The following PSD2 variants were observed in gnomAD, a reference collection of about 807,000 sequenced individuals.
PSD2 encodes PH and SEC7 domain-containing protein 2.
In PSD2, 38 loss-of-function variants were observed where a neutral mutation model predicts 69.8. The observed-to-expected ratio is 0.54, with a 90% CI of 0.42 to 0.71. The LOEUF is 0.71. Ranked by LOEUF, PSD2 falls within the 30% of genes least tolerant of loss-of-function variation. The probability of loss-of-function intolerance (pLI) is 0.00; values close to 1 mark genes in which losing one functional copy is unlikely to be tolerated. For synonymous variants in PSD2, 412 were observed against 423.0 expected (o/e 0.97, Z 0.32); for missense variants, 943 against 1,014.5 (o/e 0.93, Z 0.96).
chr5:139,794,457 C>T (rs1478858095), upstream of PSD2, among the ~76,000 whole-genome samples: 1 of 152,208 alleles, frequency 6.6e-6, no homozygotes, highest in Non-Finnish European at 1.5e-5. Flanking sequence ...TACTGCCACC[C>T]TAAGAGGTCA....
At chr5:139,750,425 C>T in the PSD2 span, among the ~76,000 whole-genome samples, 7 of 152,230 alleles carry the variant, frequency 4.6e-5, no homozygotes, top group Non-Finnish European at 5.9e-5. Context: ...TGCTCCCTCT[C>T]CTCCCTTTTC....
At chr5:139,794,235 T>C (rs972973208), upstream of PSD2, among the ~76,000 whole-genome samples, 1 of 152,234 alleles carries the variant, frequency 6.6e-6, no homozygotes, top group African/African-American at 2.4e-5. Flanking sequence ...CCTGGGATCA[T>C]GAGCAAGTGA....
chr5:139,756,158 G>T, the PSD2 span, among the ~76,000 whole-genome samples: 1 of 152,188 alleles, frequency 6.6e-6, no homozygotes, highest in Admixed American at 6.5e-5. Flanking sequence ...GGCGGGGAGG[G>T]AAGGGAGGGT....
At chr5:139,835,792 A>G in intron 9 of PSD2, 26 bp downstream of exon 9, 1 of 1,611,192 alleles carries the variant, frequency 6.2e-7, no homozygotes, top group Non-Finnish European at 8.5e-7. Flanking sequence ...GGGCACAGGT[A>G]TGGGGAGCAT....
chr5:139,763,082 C>T, the PSD2 span, among the ~76,000 whole-genome samples: 41 of 152,176 alleles, frequency 2.7e-4, no homozygotes, highest in African/African-American at 9.4e-4. Flanking sequence ...GGTTAGGGGC[C>T]GGATGCTGTG....
At chr5:139,803,710 T>C (rs1010993590) in intron 1 of PSD2, among the ~76,000 whole-genome samples, 1 of 151,874 alleles carries the variant, frequency 6.6e-6, no homozygotes, top group African/African-American at 2.4e-5. Context: ...GAAGACCAAG[T>C]GGGTTAAGAG....
the PSD2 span, among the ~76,000 whole-genome samples, chr5:139,751,252 G>A: frequency 6.6e-6 from 1 of 152,128 alleles, no homozygotes; most frequent in African/African-American, 2.4e-5. Context: ...CTGCCTGAGA[G>A]GGGGGCGGAG....
chr5:139,814,156 C>T lies in PSD2; in HGVS notation c.822-14C>T. On this transcript the variant is annotated splice_polypyrimidine_tract_variant and intron_variant, in intron 3 of 14. Coordinates refer to ENST00000274710, the MANE Select transcript of PSD2 (RefSeq NM_032289.4). This position sits in a 1 kb window ranked among gnomAD's most constrained non-coding sequence, Gnocchi z 4.4. ...GCCTCTGACGCTACTCTTCCACCCA[C>T]CTTCCATCTGCAGTGACCCCAGCCT... is the stretch of plus-strand genomic sequence containing the variant. The T allele has an allele frequency of 1.9e-6, 3 of 1,610,326 alleles. No homozygotes were observed. Among genetic ancestry groups the T allele is most frequent in the South Asian group, 1.1e-5 (1 of 90,380 alleles).
the PSD2 span, among the ~76,000 whole-genome samples, chr5:139,759,349 C>T: frequency 1.3e-5 from 2 of 151,958 alleles, no homozygotes; most frequent in African/African-American, 4.8e-5. Flanking sequence ...CGCCTCGTTT[C>T]CCCCACATTC....
the PSD2 span, among the ~76,000 whole-genome samples, chr5:139,773,873 T>C: frequency 1.3e-5 from 2 of 152,190 alleles, no homozygotes; most frequent in Non-Finnish European, 2.9e-5. Flanking sequence ...TTATTTTTAA[T>C]TGTTTGAGGA....
intron 5 of PSD2, 140 bp from the exon 6 acceptor site, chr5:139,821,753 G>A (rs969288363): frequency 2.5e-5 from 13 of 517,818 alleles, no homozygotes; most frequent in African/African-American, 9.8e-5. Flanking sequence ...CCTCCTGGGC[G>A]TGGAGAGAGC....
In PSD2 at chr5:139,840,135, G is replaced by A; in HGVS notation, c.2077G>A (p.Glu693Lys). Residue 693 changes from glutamate to lysine, a missense_variant, in exon 14 of 15, where the codon GAG becomes AAG. Coordinates refer to ENST00000274710, the MANE Select transcript of PSD2 (RefSeq NM_032289.4). ...ERGIKSKEAE[E>K]YRLKEHYLTF... The stretch of plus-strand genomic sequence containing the variant: ...GGGCATCAAGTCCAAGGAGGCCGAG[G>A]AGTACCGGTTGAAGGAGCACTATCT... The A allele has an allele frequency of 6.2e-7, 1 of 1,614,214 alleles. No homozygotes were observed. Among genetic ancestry groups the A allele is most frequent in the Non-Finnish European group, 8.5e-7 (1 of 1,180,050 alleles).
chr5:139,773,892 A>G, the PSD2 span, among the ~76,000 whole-genome samples: 3 of 152,054 alleles, frequency 2.0e-5, no homozygotes, highest in Admixed American at 2.0e-4. Context: ...GAACCACCAT[A>G]CTATTTTGCA....
chr5:139,799,178 A>C (rs1376373700), intron 1 of PSD2, among the ~76,000 whole-genome samples: 1 of 152,156 alleles, frequency 6.6e-6, no homozygotes, highest in Admixed American at 6.5e-5. Context: ...AAGTTAGGTC[A>C]CTTGGCTCAG....
rs1375393042 is a variant in PSD2 at position 139,840,100 on chromosome 5, C to T, written c.2042C>T (p.Pro681Leu). Residue 681 changes from proline (P) to leucine (L), a missense_variant, in exon 14 of 15, where the codon CCA becomes CTA. Pro to Leu is a moderately conservative substitution (Grantham distance 98). This residue lies in a region of PSD2 where 165 missense variants were observed against 168.8 expected (regional missense o/e 0.98). Transcript: ENST00000274710. ...GAGCTGGCCGAACACAGGTGTCACC[C>T]AGTCGAGAGGGGCATCAAGTCCAAG... ...TAELAEHRCH[P>L]VERGIKSKEA... 1 of 1,614,142 alleles carries T rather than the reference C, an allele frequency of 6.2e-7. No individual in the cohort carries two copies.
Position 139,814,645 on chromosome 5 carries a change from C to T in PSD2, c.1016+281C>T, listed in dbSNP as rs1760072915. Among the ~76,000 whole-genome samples the T allele has an allele frequency of 6.6e-6, 1 of 151,968 alleles. No homozygotes were observed. Among genetic ancestry groups the T allele is most frequent in the Non-Finnish European group, 1.5e-5 (1 of 67,982 alleles). On this transcript the variant is annotated intron_variant, in intron 4 of 14. Transcript: ENST00000274710. This position sits in a 1 kb window ranked among gnomAD's most constrained non-coding sequence, Gnocchi z 4.4. Reference sequence around the variant, plus strand: ...GGGATGTGGGATGTGGTTATGGGGCCACGATGGATGTGAGGACAGAGAAGC... The same window carrying T: ...GGGATGTGGGATGTGGTTATGGGGCTACGATGGATGTGAGGACAGAGAAGC...
intron 4 of PSD2, among the ~76,000 whole-genome samples, chr5:139,815,431 A>G (rs1760095728): frequency 6.6e-6 from 1 of 152,138 alleles, no homozygotes; most frequent in Non-Finnish European, 1.5e-5. Context: ...TGAAAAACAA[A>G]AAGTGTTTCT....
At chr5:139,836,025 C>A (rs377474751) in intron 9 of PSD2, among the ~76,000 whole-genome samples, 19 of 152,234 alleles carry the variant, frequency 1.2e-4, no homozygotes, top group African/African-American at 4.6e-4. Context: ...ATGTCCACAG[C>A]TGGTTTTCTA....
At chr5:139,800,453 G>T (rs1437548120) in intron 1 of PSD2, among the ~76,000 whole-genome samples, 2 of 151,868 alleles carry the variant, frequency 1.3e-5, no homozygotes, top group Non-Finnish European at 2.9e-5. Flanking sequence ...GTAGAGATGG[G>T]GTCTCACTAT....
Sources: allele counts gnomAD v4.1 joint callset (sites outside exome capture counted in the v4.1 genomes callset), GRCh38; gene constraint gnomAD v4.1.1; regional missense constraint gnomAD v4.1.1; non-coding constraint Gnocchi (gnomAD v3.1); transcripts MANE v1.5; gene names NCBI Gene and HGNC (gene_info 2026-07-23, HGNC 2026-07-21).